The following NEK5 variants were observed in gnomAD, a reference collection of about 807,000 sequenced individuals.
NEK5 encodes the protein serine/threonine-protein kinase Nek5.
In NEK5, 88 loss-of-function variants were observed where a neutral mutation model predicts 109.2. The observed-to-expected ratio is 0.81, with a 90% CI of 0.68 to 0.96. The LOEUF is 0.96. NEK5 is among the 40% of genes least tolerant of loss of function. NEK5 has a pLI of 0.00. For synonymous variants in NEK5, 283 were observed against 299.9 expected (o/e 0.94, Z 0.58); for missense variants, 834 against 920.7 (o/e 0.91, Z 1.22).
At chr13:52,101,217 T>C (rs1955522244) in intron 11 of NEK5, among the ~76,000 whole-genome samples, 1 of 151,952 alleles carries the variant, frequency 6.6e-6, no homozygotes, top group Non-Finnish European at 1.5e-5. Flanking sequence ...GCTAACACAG[T>C]GAAACCTCGT....
At chr13:52,100,298 G>T (rs1955504299) in intron 11 of NEK5, among the ~76,000 whole-genome samples, 1 of 151,902 alleles carries the variant, frequency 6.6e-6, no homozygotes, top group Non-Finnish European at 1.5e-5. Context: ...GTCTCACTCT[G>T]TCACCCGGGC....
chr13:52,059,809 TG>T (rs1555308493), intron 22 of NEK5, among the ~76,000 whole-genome samples: 1 of 70,978 alleles, frequency 1.4e-5, no homozygotes, highest in Non-Finnish European at 2.8e-5. Flanking sequence ...TGTTGTGGGG[TG>T]GGGGGACGGG....
At chr13:52,091,498 T>A (rs1955282876) in intron 13 of NEK5, among the ~76,000 whole-genome samples, 1 of 152,244 alleles carries the variant, frequency 6.6e-6, no homozygotes, top group African/African-American at 2.4e-5. Context: ...TCCCGTTATA[T>A]GTTTCTGAAG....
At chr13:52,101,812 A>T in intron 11 of NEK5, 121 bp downstream of exon 11, 1 of 816,736 alleles carries the variant, frequency 1.2e-6, no homozygotes, top group Non-Finnish European at 2.0e-6. Flanking sequence ...TCTCCTGCTT[A>T]TACTGCTTGT....
chr13:52,079,963 G>A (rs1954954772), intron 17 of NEK5, among the ~76,000 whole-genome samples: 2 of 151,840 alleles, frequency 1.3e-5, no homozygotes, highest in African/African-American at 4.8e-5. Flanking sequence ...CCCTGTCTGG[G>A]AGGTGAGGAG....
At chr13:52,063,670 C>CCCCTCTGCCCTGCCGCCCCGTCTGGG in intron 21 of NEK5, among the ~76,000 whole-genome samples, 1 of 150,528 alleles carries the variant, frequency 6.6e-6, no homozygotes, top group African/African-American at 2.5e-5. Flanking sequence ...ATGTGGGGAG[C>CCCCTCTGCCCTGCCGCCCCGTCTGGG]ACCTCTGCCC....
At chr13:52,064,456 T>G (rs1304507483) in intron 21 of NEK5, among the ~76,000 whole-genome samples, 18 of 108,380 alleles carry the variant, frequency 1.7e-4, no homozygotes, top group South Asian at 6.5e-4. Flanking sequence ...GTGGGGGGGG[T>G]CAGCCCCCCG....
Position 52,083,307 on chromosome 13 carries a change from TA to T in NEK5, c.1524del (p.Ser508ArgfsTer23). 1 of 1,613,546 alleles carries T rather than the reference TA, an allele frequency of 6.2e-7. No homozygotes were observed. The highest frequency in any genetic ancestry group is 8.5e-7 in the Non-Finnish European group (1 of 1,179,450). ...GATGCATCTTGATGGACAGGCAGGT[TA>T]CTCTTCTTCACCAAATAGGTTTTAT... is the stretch of plus-strand genomic sequence containing the variant. ...ISHKTYLVKK[S>X]NLPVHQDASE... is the part of the protein sequence containing the mutation. On this transcript the variant is annotated frameshift_variant, in exon 17 of 24. Transcript: ENST00000684899. LOFTEE classifies it high-confidence loss of function.
Position 52,075,803 on chromosome 13 carries a change from AT to A in NEK5, c.1676del (p.Asn559IlefsTer2). ...TTTCATCAGAAATACATTTGTCTAA[AT>A]TAATTTCAAATTTTACCCCCTTCTA... ...KAKKGVKFEINLDKCISDENI... is the reference protein window; with the variant it reads ...KAKKGVKFEIXLDKCISDENI... On this transcript the variant is annotated frameshift_variant, in exon 19 of 24. Coordinates refer to ENST00000684899, the MANE Select transcript of NEK5 (RefSeq NM_001365552.1). LOFTEE classifies it high-confidence loss of function. 1 of 1,566,200 alleles carries A rather than the reference AT, an allele frequency of 6.4e-7. No homozygotes were observed. The highest frequency in any genetic ancestry group is 8.7e-7 in the Non-Finnish European group (1 of 1,154,042).
At chr13:52,096,820 A>G (rs1235332399) in intron 12 of NEK5, among the ~76,000 whole-genome samples, 1 of 152,226 alleles carries the variant, frequency 6.6e-6, no homozygotes, top group Non-Finnish European at 1.5e-5. Context: ...TTGTTAGCCA[A>G]GATAATGGGG....
At position 52,051,573 on chromosome 13, in the gene NEK5, G is replaced by C. The variant is rs559374700; in HGVS notation, c.2111-1352C>G. 2.0e-5 allele frequency among the ~76,000 whole-genome samples: 3 copies of C among 152,286 alleles called. No individual in the cohort carries two copies. The South Asian group carries it at 6.2e-4, about 32-fold the overall frequency. On this transcript the variant is annotated intron_variant, in intron 22 of 23. Coordinates refer to ENST00000684899, the MANE Select transcript of NEK5 (RefSeq NM_001365552.1). ...TACCAGGGATTACATTGTACTGTGA[G>C]AGAGAACTGATTTTTGTGTGTGCAA...
At chr13:52,053,176 C>T (rs534356256) in intron 22 of NEK5, among the ~76,000 whole-genome samples, 7 of 152,316 alleles carry the variant, frequency 4.6e-5, no homozygotes, top group African/African-American at 1.7e-4. Context: ...TGGCATGCGC[C>T]TGTAATCCCA....
chr13:52,063,155 C>T (rs965555032), intron 21 of NEK5, among the ~76,000 whole-genome samples: 68 of 152,288 alleles, frequency 4.5e-4, no homozygotes, highest in Non-Finnish European at 7.4e-5. Context: ...GCCATCTCGG[C>T]TCACTGCAAC....
intron 17 of NEK5, among the ~76,000 whole-genome samples, chr13:52,080,330 G>A (rs1954976956): frequency 2.0e-5 from 3 of 148,288 alleles, no homozygotes; most frequent in Admixed American, 1.3e-4. Context: ...GCCTCTGCCC[G>A]GCCGCCCCTA....
At chr13:52,101,153 C>A (rs533159374) in intron 11 of NEK5, among the ~76,000 whole-genome samples, 1 of 152,172 alleles carries the variant, frequency 6.6e-6, no homozygotes, top group Non-Finnish European at 1.5e-5. Context: ...AATCCCAGCA[C>A]TTTGGGAGGC....
intron 4 of NEK5, among the ~76,000 whole-genome samples, chr13:52,116,192 A>AAAG (rs1181808788): frequency 2.0e-5 from 3 of 151,504 alleles, no homozygotes; most frequent in Non-Finnish European, 2.9e-5. Context: ...AAAAAAAAAA[A>AAAG]AAAAATCAAG....
At chr13:52,051,742 A>C (rs1954507869) in intron 22 of NEK5, among the ~76,000 whole-genome samples, 1 of 152,176 alleles carries the variant, frequency 6.6e-6, no homozygotes, top group African/African-American at 2.4e-5. Flanking sequence ...CCTGCCTCCC[A>C]TTTTATTCCT....
At chr13:52,115,100 C>G (rs1251081708) in intron 4 of NEK5, among the ~76,000 whole-genome samples, 1 of 151,630 alleles carries the variant, frequency 6.6e-6, no homozygotes, top group Non-Finnish European at 1.5e-5. Flanking sequence ...GCAAGCTCCG[C>G]CTCCTGGGTT....
In NEK5 at chr13:52,037,130, C is replaced by A. The variant is rs561339844; in HGVS notation, c.2317G>T (p.Glu773Ter). The part of the protein sequence containing the change: ...LATFKGEEKT[E>*]EASSTSKDSR... ...TCCTTAGAGGTACTGGAGGCCTCTT[C>A]TGTTTTTTCTTCCCCTTTGAAAGTA... The change falls in exon 24 of 24, where the codon GAA becomes TAA. Residue 773 changes from glutamate (E) to a stop codon, truncating the protein, a stop_gained. Coordinates refer to ENST00000684899, the MANE Select transcript of NEK5 (RefSeq NM_001365552.1). LOFTEE classifies it high-confidence loss of function. The A allele has an allele frequency of 1.0e-6, 1 of 985,264 alleles. No homozygotes were observed. The highest frequency in any genetic ancestry group is 1.2e-6 in the Non-Finnish European group (1 of 829,808). 61.0% of individuals were successfully genotyped at this position (985,264 alleles called of 1,614,324 possible). A position where few individuals can be genotyped will look rare whatever the true frequency, so the allele number is the denominator to read the frequency against.
Sources: gnomAD v4.1 joint callset for allele counts (sites outside exome capture counted in the v4.1 genomes callset) on GRCh38, gnomAD v4.1.1 for gene constraint, MANE v1.5 for transcripts, NCBI Gene and HGNC (gene_info 2026-07-23, HGNC 2026-07-21) for gene names.